Variants in PDE4D observed in about 807,000 individuals in gnomAD.
PDE4D encodes the protein phosphodiesterase 4D, also known as 3',5'-cyclic-AMP phosphodiesterase 4D.
PDE4D carries 24 observed loss-of-function variants against 87.4 expected under a neutral mutation model. That is an observed-to-expected ratio of 0.27 (90% CI 0.20 to 0.39). PDE4D has a LOEUF of 0.39. Among genes scored for constraint, PDE4D ranks in the 10% least tolerant of loss-of-function variants. The probability of loss-of-function intolerance (pLI) is 1.00; values close to 1 mark genes in which losing one functional copy is unlikely to be tolerated. For synonymous variants in PDE4D, 384 were observed against 383.2 expected (o/e 1.00, Z -0.02); for missense variants, 714 against 1,041.0 (o/e 0.69, Z 4.32).
intron 1 of PDE4D, among the ~76,000 whole-genome samples, chr5:59,488,348 C>T (rs781565296): frequency 2.0e-5 from 3 of 151,932 alleles, no homozygotes; most frequent in Admixed American, 2.0e-4. Flanking sequence ...TGAAGCAAGC[C>T]GAGAAAGAAA....
chr5:58,976,575 C>A (rs1233345405), intron 12 of PDE4D, 103 bp from the exon 13 acceptor site: 2 of 902,772 alleles, frequency 2.2e-6, no homozygotes, highest in East Asian at 2.7e-5. Context: ...CAACACTATG[C>A]CTTTTAATGA....
intron 1 of PDE4D, among the ~76,000 whole-genome samples, chr5:59,646,239 A>G (rs1742416762): frequency 6.6e-6 from 1 of 152,216 alleles, no homozygotes; most frequent in African/African-American, 2.4e-5. Context: ...CGAGTTGTAT[A>G]AGACATCAGT....
At chr5:59,999,010 C>A (rs1197626604) in intron 2 of PDE4D, among the ~76,000 whole-genome samples, 1 of 152,116 alleles carries the variant, frequency 6.6e-6, no homozygotes, top group African/African-American at 2.4e-5. Context: ...CCACCAGAGA[C>A]GCCAACTTAG....
At chr5:59,054,263 C>G (rs2153406694) in intron 5 of PDE4D, among the ~76,000 whole-genome samples, 1 of 152,246 alleles carries the variant, frequency 6.6e-6, no homozygotes, top group South Asian at 2.1e-4. Flanking sequence ...TCCACTCATA[C>G]AAGGTTTTGG....
At chr5:60,011,339 C>A (rs1381938097) in intron 2 of PDE4D, among the ~76,000 whole-genome samples, 2 of 152,054 alleles carry the variant, frequency 1.3e-5, no homozygotes, top group African/African-American at 4.8e-5. Context: ...GAGGAAAAGA[C>A]AAGGTGCAGG....
At chr5:59,752,616 T>C (rs1472542743) in intron 1 of PDE4D, among the ~76,000 whole-genome samples, 1 of 152,136 alleles carries the variant, frequency 6.6e-6, no homozygotes, top group Non-Finnish European at 1.5e-5. Context: ...AAGGGAAAAC[T>C]GGCAGTGCTT....
chr5:59,115,899 T>C (rs1277565077), intron 5 of PDE4D, among the ~76,000 whole-genome samples: 1 of 152,174 alleles, frequency 6.6e-6, no homozygotes, highest in Non-Finnish European at 1.5e-5. Context: ...TATGATTACA[T>C]AAATAATTAA....
upstream of PDE4D, chr5:60,490,772 G>T (rs1749491232): frequency 1.3e-5 from 2 of 152,180 alleles, no homozygotes; most frequent in Admixed American, 1.3e-4. Flanking sequence ...AATTGCTCAG[G>T]AAACTGAACC....
At chr5:60,425,443 T>C (rs1272356566) in intron 1 of PDE4D, among the ~76,000 whole-genome samples, 1 of 152,326 alleles carries the variant, frequency 6.6e-6, no homozygotes, top group East Asian at 1.9e-4. Flanking sequence ...AAGGATTCCC[T>C]ATTTAATAAA....
At chr5:59,406,498 C>G (rs1791694346) in intron 1 of PDE4D, among the ~76,000 whole-genome samples, 1 of 148,962 alleles carries the variant, frequency 6.7e-6, no homozygotes, top group African/African-American at 2.5e-5. Context: ...TCAAGCAATT[C>G]TCCTGCCTCA....
chr5:59,203,644 CT>C (rs1486717449), intron 2 of PDE4D, among the ~76,000 whole-genome samples: 1 of 151,960 alleles, frequency 6.6e-6, no homozygotes, highest in African/African-American at 2.4e-5. Flanking sequence ...CACACACACA[CT>C]AGAATCCTAC....
At chr5:59,742,652 T>C (rs1759033153) in intron 1 of PDE4D, among the ~76,000 whole-genome samples, 1 of 152,216 alleles carries the variant, frequency 6.6e-6, no homozygotes, top group Non-Finnish European at 1.5e-5. Flanking sequence ...AGGTGTGCAG[T>C]AATCAGGCAT....
At chr5:59,097,386 G>A (rs996684412) in intron 5 of PDE4D, among the ~76,000 whole-genome samples, 2 of 152,070 alleles carry the variant, frequency 1.3e-5, no homozygotes, top group Non-Finnish European at 2.9e-5. Context: ...ACTAGTGCTG[G>A]GCTTAGTCAC....
At chr5:59,771,433 A>AAGAAAGAAAGAAAG in intron 1 of PDE4D, among the ~76,000 whole-genome samples, 1 of 93,830 alleles carries the variant, frequency 1.1e-5, no homozygotes, top group South Asian at 3.7e-4. Context: ...AAGAAAAAGA[A>AAGAAAGAAAGAAAG]AAAGAAAGAA....
intron 1 of PDE4D, among the ~76,000 whole-genome samples, chr5:59,389,843 G>A (rs576953497): frequency 1.3e-5 from 2 of 152,116 alleles, no homozygotes; most frequent in Non-Finnish European, 2.9e-5. Flanking sequence ...GTTACCAGAG[G>A]CTGGGAAGAG....
At chr5:59,324,241 T>TA (rs1204587352) in intron 1 of PDE4D, among the ~76,000 whole-genome samples, 4 of 152,164 alleles carry the variant, frequency 2.6e-5, no homozygotes, top group South Asian at 2.1e-4. Flanking sequence ...CTGTAGCACT[T>TA]ATGATACTAT....
chr5:60,076,378 T>C (rs1340068881), intron 2 of PDE4D, among the ~76,000 whole-genome samples: 3 of 152,198 alleles, frequency 2.0e-5, no homozygotes, highest in African/African-American at 7.2e-5. Context: ...CAGGGTGGTC[T>C]TGATATCTTG....
intron 2 of PDE4D, among the ~76,000 whole-genome samples, chr5:60,083,583 G>C (rs976861506): frequency 2.0e-5 from 3 of 152,242 alleles, no homozygotes; most frequent in Non-Finnish European, 4.4e-5. Flanking sequence ...AGATAGAGAA[G>C]TAGACTTTCA....
At chr5:59,017,635 T>C (rs182851758) in intron 6 of PDE4D, among the ~76,000 whole-genome samples, 275 of 150,288 alleles carry the variant, frequency 1.8e-3, no homozygotes, top group Middle Eastern at 0.014. Flanking sequence ...AGACATTATA[T>C]TAGAATAGAC....
Sources: gnomAD v4.1 joint callset for allele counts (sites outside exome capture counted in the v4.1 genomes callset) on GRCh38, gnomAD v4.1.1 for gene constraint, MANE v1.5 for transcripts, NCBI Gene and HGNC (gene_info 2026-07-23, HGNC 2026-07-21) for gene names.